Variants in LARS1 observed in about 807,000 individuals in gnomAD.
LARS1 encodes leucyl-tRNA synthetase 1.
LARS1 carries 100 observed loss-of-function variants against 162.8 expected under a neutral mutation model. The observed-to-expected ratio is 0.61, with a 90% CI of 0.52 to 0.73. The LOEUF (loss-of-function observed/expected upper bound fraction) is 0.73. LARS1 is among the 30% of genes least tolerant of loss of function. The probability of loss-of-function intolerance (pLI) is 0.00; values close to 1 mark genes in which losing one functional copy is unlikely to be tolerated. For missense variants in LARS1, 1,258 were observed against 1,408.9 expected (o/e 0.89, Z 1.71); for synonymous variants, 457 against 462.8 (o/e 0.99, Z 0.16).
chr5:146,127,216 T>G (rs1181417407), intron 27 of LARS1, among the ~76,000 whole-genome samples: 2 of 152,080 alleles, frequency 1.3e-5, no homozygotes, highest in African/African-American at 4.8e-5. Flanking sequence ...AAAAGGAACA[T>G]ATAATACAAT....
rs550023120 is a variant in LARS1, at chr5:146,163,609, C to A, written c.594+701G>T. 2.2e-3 allele frequency among the ~76,000 whole-genome samples: 342 copies of A among 152,198 alleles called. 1 individual carries two copies. Among genetic ancestry groups the A allele is most frequent in the Non-Finnish European group, 2.9e-3 (199 of 68,012 alleles). ...GCTGAGGCAGAAGAATAGCTTGAAC[C>A]CGGGAGGCGGAGGTTGCCGTGAGCC... On this transcript the variant is annotated intron_variant, in intron 6 of 31. Transcript: ENST00000394434.
chr5:146,148,219 C>A (rs911441756), intron 15 of LARS1, among the ~76,000 whole-genome samples: 1 of 152,158 alleles, frequency 6.6e-6, no homozygotes, highest in African/African-American at 2.4e-5. Context: ...ATTAAGGAAA[C>A]AGGAGATCCA....
At chr5:146,161,907 G>C (rs1244633003) in intron 6 of LARS1, among the ~76,000 whole-genome samples, 3 of 151,980 alleles carry the variant, frequency 2.0e-5, no homozygotes, top group Non-Finnish European at 2.9e-5. Context: ...TACTTTTTTT[G>C]CTCATCCGTA....
chr5:146,164,271 C>T (rs1561827032), intron 6 of LARS1, 39 bp downstream of exon 6: 7 of 1,580,280 alleles, frequency 4.4e-6, no homozygotes, highest in Non-Finnish European at 6.1e-6. Context: ...AAAGCACATA[C>T]TTGTAAATGC....
At chr5:146,129,186 G>A in intron 25 of LARS1, 68 bp from the exon 26 acceptor site, 3 of 1,342,064 alleles carry the variant, frequency 2.2e-6, no homozygotes, top group Non-Finnish European at 3.0e-6. Context: ...TACGGTTCTT[G>A]ATTATAGTTT....
intron 6 of LARS1, among the ~76,000 whole-genome samples, chr5:146,162,964 C>A (rs996497388): frequency 7.2e-5 from 11 of 152,312 alleles, no homozygotes; most frequent in African/African-American, 2.6e-4. Context: ...AGCCCGCCAC[C>A]ATACCCAGCT....
intron 4 of LARS1, among the ~76,000 whole-genome samples, chr5:146,169,986 C>A (rs1420959135): frequency 2.6e-5 from 4 of 152,126 alleles, no homozygotes; most frequent in African/African-American, 9.7e-5. Context: ...AATACCTCAA[C>A]AATGAAGTAT....
chr5:146,168,334 T>C, intron 4 of LARS1, 69 bp from the exon 5 acceptor site: 1 of 1,506,438 alleles, frequency 6.6e-7, no homozygotes, highest in East Asian at 2.3e-5. Flanking sequence ...TTTACTGTTT[T>C]TATTGCCAAC....
chr5:146,140,277 T>A lies in LARS1; in HGVS notation c.2091-16A>T. 6.3e-7 allele frequency: 1 copy of A among 1,589,950 alleles called. No individual in the cohort carries two copies. Among genetic ancestry groups the A allele is most frequent in the Non-Finnish European group, 8.6e-7 (1 of 1,159,052 alleles). On this transcript the variant is annotated splice_polypyrimidine_tract_variant and intron_variant, in intron 20 of 31. Coordinates refer to ENST00000394434, the MANE Select transcript of LARS1 (RefSeq NM_020117.11). The stretch of plus-strand genomic sequence containing the variant: ...CCATTTGTCACTTCACAGATAAATG[T>A]TTAAAGATAGAAAATAAAAAAACAA...
At chr5:146,144,580 T>G in intron 16 of LARS1, 43 bp from the exon 17 acceptor site, 2 of 1,611,940 alleles carry the variant, frequency 1.2e-6, no homozygotes, top group Non-Finnish European at 1.7e-6. Context: ...AAGTCAAAGG[T>G]GAGCAAATTG....
chr5:146,176,855 T>C (rs1448570582), intron 2 of LARS1, among the ~76,000 whole-genome samples: 1 of 152,176 alleles, frequency 6.6e-6, no homozygotes, highest in African/African-American at 2.4e-5. Flanking sequence ...AACATAAAAA[T>C]TTACATTTTC....
intron 15 of LARS1, among the ~76,000 whole-genome samples, chr5:146,145,449 CAT>C (rs1752971500): frequency 6.6e-6 from 1 of 151,924 alleles, no homozygotes; most frequent in African/African-American, 2.4e-5. Flanking sequence ...AAAGACTAAA[CAT>C]AGAAAATCTT....
At chr5:146,180,973 A>G (rs144966542) in intron 1 of LARS1, 1 of 152,012 alleles carries the variant, frequency 6.6e-6, no homozygotes, top group African/African-American at 2.4e-5. Context: ...CTGCCTGGAA[A>G]TCTCTTTCTT....
chr5:146,140,124 C>T (rs1044480812), intron 21 of LARS1, 80 bp downstream of exon 21: 3 of 1,092,228 alleles, frequency 2.7e-6, no homozygotes, highest in African/African-American at 1.5e-5. Context: ...TTCTTACATA[C>T]ATTTAAAAAA....
intron 5 of LARS1, among the ~76,000 whole-genome samples, chr5:146,165,983 T>A (rs986399630): frequency 1.3e-5 from 2 of 152,198 alleles, no homozygotes; most frequent in African/African-American, 4.8e-5. Flanking sequence ...TACTTGTTTT[T>A]TAATAAACAT....
At chr5:146,168,390 G>T in intron 4 of LARS1, 125 bp from the exon 5 acceptor site, 1 of 948,192 alleles carries the variant, frequency 1.1e-6, no homozygotes, top group Non-Finnish European at 1.5e-6. Context: ...TACCTATGTG[G>T]CTCCACTACA....
intron 6 of LARS1, 103 bp downstream of exon 6, chr5:146,164,207 C>A: frequency 8.3e-7 from 1 of 1,197,680 alleles, no homozygotes. Context: ...CACAAATCTT[C>A]AATTGTAAAA....
intron 24 of LARS1, chr5:146,130,662 C>A: frequency 5.5e-6 from 1 of 181,684 alleles, no homozygotes; most frequent in Non-Finnish European, 1.1e-5. Context: ...TGTGGAAAAC[C>A]TCAGAAAACG....
intron 31 of LARS1, among the ~76,000 whole-genome samples, chr5:146,115,064 A>AAAAAAC (rs1561792046): frequency 6.6e-6 from 1 of 151,498 alleles, no homozygotes; most frequent in African/African-American, 2.4e-5. Flanking sequence ...AAAAAAAAAA[A>AAAAAAC]AAACAATCCC....
Sources: allele counts gnomAD v4.1 joint callset (sites outside exome capture counted in the v4.1 genomes callset), GRCh38; gene constraint gnomAD v4.1.1; transcripts MANE v1.5; gene names NCBI Gene and HGNC (gene_info 2026-07-23, HGNC 2026-07-21).